The following PPP2R2C variants were observed in gnomAD, a reference collection of about 807,000 sequenced individuals.
PPP2R2C encodes protein phosphatase 2 regulatory subunit Bgamma, also known as protein phosphatase 2, regulatory subunit B, gamma.
PPP2R2C carries 10 observed loss-of-function variants against 45.3 expected under a neutral mutation model. The ratio of observed to expected loss-of-function variants is 0.22; its 90% CI spans 0.14 to 0.37. PPP2R2C has a LOEUF of 0.37. PPP2R2C is among the 10% of genes least tolerant of loss of function. The pLI, the probability that PPP2R2C is intolerant of heterozygous loss-of-function variation, is 1.00. For missense variants in PPP2R2C, 308 were observed against 619.7 expected (o/e 0.50, Z 5.34); for synonymous variants, 257 against 245.4 (o/e 1.05, Z -0.44).
intron 5 of PPP2R2C, chr4:6,348,812 G>T: frequency 2.8e-6 from 2 of 707,838 alleles, no homozygotes; most frequent in Non-Finnish European, 3.5e-6. Context: ...TGGAATCCTG[G>T]ATCAAGCTGC....
intron 8 of PPP2R2C, among the ~76,000 whole-genome samples, chr4:6,327,744 G>T: frequency 6.6e-6 from 1 of 152,244 alleles, no homozygotes; most frequent in East Asian, 1.9e-4. Flanking sequence ...CCCCGGGTCG[G>T]GCCTCCATCC....
intron 2 of PPP2R2C, among the ~76,000 whole-genome samples, chr4:6,489,588 T>C (rs1267503837): frequency 6.6e-6 from 1 of 152,262 alleles, no homozygotes; most frequent in Non-Finnish European, 1.5e-5. Context: ...AAAATACTTC[T>C]TCAACTAATT....
At chr4:6,544,423 GCCCC>G (rs903156742) in intron 1 of PPP2R2C, among the ~76,000 whole-genome samples, 2 of 152,212 alleles carry the variant, frequency 1.3e-5, no homozygotes, top group South Asian at 4.2e-4. Context: ...GCTCACCGCA[GCCCC>G]AAACTCCTGG....
At chr4:6,544,744 T>C (rs534397351) in intron 1 of PPP2R2C, among the ~76,000 whole-genome samples, 1 of 152,310 alleles carries the variant, frequency 6.6e-6, no homozygotes, top group South Asian at 2.1e-4. Flanking sequence ...AAATAGAAAC[T>C]GCTGGCCAGC....
intron 2 of PPP2R2C, among the ~76,000 whole-genome samples, chr4:6,480,067 T>G (rs1299402876): frequency 6.6e-6 from 1 of 152,108 alleles, no homozygotes; most frequent in Non-Finnish European, 1.5e-5. Context: ...CTGAAGTTCC[T>G]TTACATCCCT....
intron 8 of PPP2R2C, among the ~76,000 whole-genome samples, chr4:6,326,303 G>A (rs1483030695): frequency 1.3e-5 from 2 of 152,074 alleles, no homozygotes; most frequent in Non-Finnish European, 2.9e-5. Context: ...AGAAGAAAAC[G>A]GCCGGAGAGA....
intron 1 of PPP2R2C, chr4:6,381,639 G>C (rs1272490612): frequency 1.3e-6 from 2 of 1,497,868 alleles, no homozygotes; most frequent in African/African-American, 2.8e-5. Context: ...CCTCCAGGCA[G>C]GCCTCTGGGA....
chr4:6,504,952 T>A (rs900283276), intron 2 of PPP2R2C, among the ~76,000 whole-genome samples: 4 of 151,948 alleles, frequency 2.6e-5, no homozygotes, highest in Non-Finnish European at 5.9e-5. Flanking sequence ...GTTCAGCGAA[T>A]CTCAAGCAGG....
chr4:6,379,983 C>G (rs1013209244), intron 2 of PPP2R2C: 1 of 152,308 alleles, frequency 6.6e-6, no homozygotes, highest in Non-Finnish European at 1.5e-5. Context: ...TCTCCACCTT[C>G]TCTTCTCCTC....
In PPP2R2C at chr4:6,323,356, G is replaced by A. The variant is rs765536718; in HGVS notation, c.1290C>T (p.Ala430=). Residue 430 remains alanine, a synonymous_variant, in exon 9 of 9, where the codon GCC becomes GCT. Transcript: ENST00000382599. ...WHPAENIIAI[A]ATNNLYIFQD... ...GGAAGATGTACAGGTTGTTGGTGGCGGCGATGGCAATGATGTTCTCAGCCG... is the reference window on the plus strand; with the variant it reads ...GGAAGATGTACAGGTTGTTGGTGGCAGCGATGGCAATGATGTTCTCAGCCG... The A allele has an allele frequency of 3.0e-5, 48 of 1,613,360 alleles. No homozygotes were observed. In the East Asian group the frequency reaches 6.2e-4, roughly 21 times the overall value.
intron 2 of PPP2R2C, among the ~76,000 whole-genome samples, chr4:6,534,796 T>C (rs1191287353): frequency 1.3e-5 from 2 of 152,156 alleles, no homozygotes; most frequent in East Asian, 1.9e-4. Flanking sequence ...TCGCCCCCAG[T>C]CGGGGTCTAG....
rs182408749 is a variant in PPP2R2C at position 6,386,646 on chromosome 4, G to A, written c.71-5552C>T. Among the ~76,000 whole-genome samples the A allele has an allele frequency of 1.2e-4, 18 of 152,248 alleles. No homozygotes were observed. The South Asian group carries it at 1.9e-3, about 16-fold the overall frequency. On this transcript the variant is annotated intron_variant, in intron 1 of 8. Coordinates refer to ENST00000382599, the MANE Select transcript of PPP2R2C (RefSeq NM_020416.4). ...GGAGAAGTAACAAAAATCTAGAGTC[G>A]CTCTTATGCTATCATTCACAACACC...
intron 1 of PPP2R2C, among the ~76,000 whole-genome samples, chr4:6,427,571 C>T (rs1719395693): frequency 1.3e-5 from 2 of 152,312 alleles, no homozygotes; most frequent in African/African-American, 4.8e-5. Flanking sequence ...TCTTCCTGGC[C>T]AAGCCTTCTT....
chr4:6,562,272 C>T (rs962155189), intron 1 of PPP2R2C, among the ~76,000 whole-genome samples: 7 of 152,130 alleles, frequency 4.6e-5, no homozygotes, highest in African/African-American at 1.4e-4. Flanking sequence ...TGCCACAGCC[C>T]GTCCCCTCCA....
chr4:6,441,672 C>T (rs1720160963), intron 1 of PPP2R2C, among the ~76,000 whole-genome samples: 2 of 152,216 alleles, frequency 1.3e-5, no homozygotes, highest in Admixed American at 6.5e-5. Context: ...CTCTGCTCCT[C>T]TCATGACTGC....
intron 2 of PPP2R2C, among the ~76,000 whole-genome samples, chr4:6,528,355 C>T (rs937213527): frequency 2.0e-4 from 31 of 152,190 alleles, no homozygotes; most frequent in African/African-American, 7.5e-4. Context: ...TGTGCTCAGG[C>T]CCAGGCAAGG....
intron 4 of PPP2R2C, among the ~76,000 whole-genome samples, chr4:6,374,844 A>G (rs911114192): frequency 1.2e-4 from 19 of 152,272 alleles, no homozygotes; most frequent in Admixed American, 6.5e-4. Context: ...TGAACTGCGC[A>G]GGGTGGGTAG....
chr4:6,361,021 C>T (rs1456598675), intron 5 of PPP2R2C, among the ~76,000 whole-genome samples: 1 of 152,194 alleles, frequency 6.6e-6, no homozygotes, highest in Non-Finnish European at 1.5e-5. Flanking sequence ...CTTATTTTAA[C>T]TTAATTACCC....
At chr4:6,380,955 T>C (rs1715736010) in intron 2 of PPP2R2C, 42 bp downstream of exon 2, 4 of 1,433,380 alleles carry the variant, frequency 2.8e-6, no homozygotes, top group African/African-American at 1.5e-5. Flanking sequence ...CTGACTCTGC[T>C]CCCCACCCCT....
Sources: allele counts gnomAD v4.1 joint callset (sites outside exome capture counted in the v4.1 genomes callset), GRCh38; gene constraint gnomAD v4.1.1; transcripts MANE v1.5; gene names NCBI Gene and HGNC (gene_info 2026-07-23, HGNC 2026-07-21).